The following UNC5A variants were observed in gnomAD, a reference collection of about 807,000 sequenced individuals.
The protein encoded by UNC5A is unc-5 netrin receptor A, also known as netrin receptor UNC5A.
Under a neutral mutation model 87.4 loss-of-function variants are expected in UNC5A, and 20 were observed. The observed-to-expected ratio is 0.23, with a 90% CI of 0.16 to 0.33. The LOEUF (loss-of-function observed/expected upper bound fraction) is 0.33, where lower values mean the gene tolerates loss of function less well. Ranked by LOEUF, UNC5A falls within the 10% of genes least tolerant of loss-of-function variation. UNC5A has a pLI of 1.00. For missense variants in UNC5A, 844 were observed against 1,133.4 expected, an observed-to-expected ratio of 0.74 and a Z score of 3.67; for synonymous variants, 438 against 482.3, an observed-to-expected ratio of 0.91 and a Z score of 1.20.
At chr5:176,829,162 ATGG>A (rs1199812687) in intron 1 of UNC5A, among the ~76,000 whole-genome samples, 3 of 29,034 alleles carry the variant, frequency 1.0e-4, no homozygotes, top group Admixed American at 3.3e-4. Context: ...AGAAAGATGG[ATGG>A]ATGGATGGAT....
intron 8 of UNC5A, among the ~76,000 whole-genome samples, chr5:176,876,278 A>G (rs1306947353): frequency 3.9e-5 from 6 of 152,248 alleles, no homozygotes; most frequent in Non-Finnish European, 7.3e-5. Flanking sequence ...TGAAGGGAGC[A>G]GTGGCTGTGA....
intron 1 of UNC5A, among the ~76,000 whole-genome samples, chr5:176,819,886 G>T (rs564580549): frequency 2.4e-4 from 36 of 152,386 alleles, no homozygotes; most frequent in African/African-American, 8.4e-4. Context: ...AAATAAGCAT[G>T]CTGAATAGCA....
At chr5:176,855,630 C>T (rs1757648699) in intron 1 of UNC5A, among the ~76,000 whole-genome samples, 1 of 152,156 alleles carries the variant, frequency 6.6e-6, no homozygotes, top group South Asian at 2.1e-4. Flanking sequence ...GGAGGGATCC[C>T]TAGAGGCGAG....
chr5:176,880,808 G>C lies in UNC5A; in HGVS notation c.*922G>C, dbSNP rs1002765233. 2.7e-6 allele frequency: 1 copy of C among 375,242 alleles called. No homozygotes were observed. Among genetic ancestry groups the C allele is most frequent in the Admixed American group, 4.3e-5 (1 of 23,046 alleles). 23.2% of individuals were successfully genotyped at this position (375,242 alleles called of 1,614,324 possible). On this transcript the variant is annotated 3_prime_UTR_variant, in exon 15 of 15. Transcript: ENST00000329542. ...TAAGTGCATTCACGCACTTACTCTT[G>C]GCCTTATGTACACAGCCTTGCCCGG...
At chr5:176,832,395 C>G (rs991032822) in intron 1 of UNC5A, among the ~76,000 whole-genome samples, 4 of 152,204 alleles carry the variant, frequency 2.6e-5, no homozygotes, top group Admixed American at 6.5e-5. Context: ...AAGTCCACGC[C>G]TGATCCAAGC....
intron 1 of UNC5A, among the ~76,000 whole-genome samples, chr5:176,829,552 C>T (rs1215369280): frequency 2.5e-5 from 2 of 80,528 alleles, no homozygotes; most frequent in Non-Finnish European, 4.6e-5. Context: ...GATGGGTGGA[C>T]GTATGAAAGA....
Position 176,879,837 on chromosome 5 carries a change from T to A in UNC5A, c.2480T>A (p.Leu827Gln). The A allele has an allele frequency of 6.2e-7, 1 of 1,612,342 alleles. No individual in the cohort carries two copies. Among genetic ancestry groups the A allele is most frequent in the East Asian group, 2.2e-5 (1 of 44,852 alleles). Residue 827 changes from leucine to glutamine, a missense_variant, in exon 15 of 15, where the codon CTG becomes CAG. Physicochemically the swap from Leu to Gln is moderately radical, Grantham distance 113. Transcript: ENST00000329542. ...CAGCTGGCTGCAGCAGTGGCTGGAC[T>A]GGGCCAGCCAGACGCTGGCCTCTTC... Reference protein sequence around the residue: ...LSQLAAAVAGLGQPDAGLFTV... With the variant: ...LSQLAAAVAGQGQPDAGLFTV...
In UNC5A at chr5:176,866,342, C is replaced by T. The variant is rs113794491; in HGVS notation, c.293-1788C>T. The stretch of plus-strand genomic sequence containing the variant: ...AAGGGCACCCCTCACCAAGGCACTG[C>T]GTGGAGCTGGCACATTGAGGACACA... On this transcript the variant is annotated intron_variant, in intron 2 of 14. Coordinates refer to ENST00000329542, the MANE Select transcript of UNC5A (RefSeq NM_133369.3). This position sits in a 1 kb window ranked among gnomAD's most constrained non-coding sequence, Gnocchi z 5.0. Among the ~76,000 whole-genome samples, 13 of 152,284 alleles carry T rather than the reference C, an allele frequency of 8.5e-5. 1 individual carries two copies. Among genetic ancestry groups the T allele is most frequent in the African/African-American group, 2.4e-4 (10 of 41,558 alleles).
chr5:176,877,483 C>T (rs2149370555), intron 9 of UNC5A, 52 bp from the exon 10 acceptor site: 1 of 1,544,974 alleles, frequency 6.5e-7, no homozygotes, highest in East Asian at 2.3e-5. Flanking sequence ...CCTCAGGACC[C>T]AGGATGGGCC....
chr5:176,833,866 G>A (rs1056072664), intron 1 of UNC5A, among the ~76,000 whole-genome samples: 7 of 151,950 alleles, frequency 4.6e-5, no homozygotes, highest in Non-Finnish European at 7.4e-5. Context: ...CCACCACTAC[G>A]CCCAGCTCAT....
intron 1 of UNC5A, among the ~76,000 whole-genome samples, chr5:176,815,605 A>T (rs1412425922): frequency 6.6e-6 from 1 of 152,232 alleles, no homozygotes; most frequent in African/African-American, 2.4e-5. Flanking sequence ...GACACCTAGT[A>T]GGTGCCATAG....
chr5:176,855,891 A>G (rs1757655501), intron 1 of UNC5A, among the ~76,000 whole-genome samples: 1 of 152,170 alleles, frequency 6.6e-6, no homozygotes. Flanking sequence ...CACATCCAGA[A>G]CAGCTCTCAG....
intron 1 of UNC5A, among the ~76,000 whole-genome samples, chr5:176,825,501 G>A (rs1756830386): frequency 6.6e-6 from 1 of 152,202 alleles, no homozygotes; most frequent in Non-Finnish European, 1.5e-5. Context: ...AGACAGACAG[G>A]ACACAGAGGC....
intron 1 of UNC5A, among the ~76,000 whole-genome samples, chr5:176,831,339 C>T (rs1450011309): frequency 1.3e-5 from 2 of 152,114 alleles, no homozygotes; most frequent in Non-Finnish European, 2.9e-5. Context: ...ACCCCCAGGG[C>T]CCCTCTCCCT....
intron 1 of UNC5A, among the ~76,000 whole-genome samples, chr5:176,816,925 G>C (rs923578112): frequency 6.6e-6 from 1 of 152,246 alleles, no homozygotes; most frequent in Non-Finnish European, 1.5e-5. Flanking sequence ...GCTGGGGACA[G>C]GCCTGGCTTC....
Position 176,842,024 on chromosome 5 carries a change from C to A in UNC5A, c.71-20600C>A, listed in dbSNP as rs567145844. Reference sequence around the variant, plus strand: ...CATCCTGGCTAACATGGTGAAACCCCGTTTCTACTAAAAATACAAAAAATT... The same window carrying A: ...CATCCTGGCTAACATGGTGAAACCCAGTTTCTACTAAAAATACAAAAAATT... On this transcript the variant is annotated intron_variant, in intron 1 of 14. Coordinates refer to ENST00000329542, the MANE Select transcript of UNC5A (RefSeq NM_133369.3). Among the ~76,000 whole-genome samples, 5 of 152,216 alleles carry A rather than the reference C, an allele frequency of 3.3e-5. No homozygotes were observed. The South Asian group carries it at 6.2e-4, about 19-fold the overall frequency.
At chr5:176,860,674 C>A (rs1180308824) in intron 1 of UNC5A, among the ~76,000 whole-genome samples, 1 of 152,214 alleles carries the variant, frequency 6.6e-6, no homozygotes, top group East Asian at 1.9e-4. Context: ...GCCTGCATTC[C>A]GCCACTTCCT....
chr5:176,829,701 G>T (rs1413338486), intron 1 of UNC5A, among the ~76,000 whole-genome samples: 1 of 151,976 alleles, frequency 6.6e-6, no homozygotes, highest in Non-Finnish European at 1.5e-5. Context: ...TGTTCACGGG[G>T]CACAGAAGAC....
chr5:176,818,208 C>CG lies in UNC5A; in HGVS notation c.70+7389dup, dbSNP rs1756641757. Reference sequence around the variant, plus strand: ...GCTTCCGAAGACCCCGGGCTGATCTCGCTGCGAAAGGGAGGGGAACGTCCC... The same window carrying CG: ...GCTTCCGAAGACCCCGGGCTGATCTCGGCTGCGAAAGGGAGGGGAACGTCCC... On this transcript the variant is annotated intron_variant, in intron 1 of 14. Coordinates refer to ENST00000329542, the MANE Select transcript of UNC5A (RefSeq NM_133369.3). 2.6e-5 allele frequency among the ~76,000 whole-genome samples: 4 copies of CG among 152,286 alleles called. No homozygotes were observed. The South Asian group carries it at 8.3e-4, about 32-fold the overall frequency.
Sources: allele counts gnomAD v4.1 joint callset (sites outside exome capture counted in the v4.1 genomes callset), GRCh38; gene constraint gnomAD v4.1.1; non-coding constraint Gnocchi (gnomAD v3.1); transcripts MANE v1.5; gene names NCBI Gene and HGNC (gene_info 2026-07-23, HGNC 2026-07-21).